Variants in RIF1 observed in about 807,000 individuals in gnomAD.
The protein encoded by RIF1 is replication timing regulatory factor 1, also known as telomere-associated protein RIF1.
Under a neutral mutation model 247.1 loss-of-function variants are expected in RIF1, and 45 were observed. The ratio of observed to expected loss-of-function variants is 0.18; its 90% CI spans 0.14 to 0.23. RIF1 has a LOEUF of 0.23. Among genes scored for constraint, RIF1 ranks in the 10% least tolerant of loss-of-function variants. The pLI is 1.00. For missense variants in RIF1, 2,967 were observed against 2,862.5 expected (o/e 1.04, Z -0.83); for synonymous variants, 1,087 against 978.8 (o/e 1.11, Z -2.06).
chr2:151,530,766 T>A, the RIF1 span: 4 of 394,884 alleles, frequency 1.0e-5, no homozygotes, highest in Non-Finnish European at 1.8e-5. Context: ...CACCTGGATG[T>A]CCTGGCTTGA....
At chr2:151,425,736 G>A (rs1437860388) in intron 8 of RIF1, among the ~76,000 whole-genome samples, 5 of 128,020 alleles carry the variant, frequency 3.9e-5, no homozygotes, top group Admixed American at 2.0e-4. Flanking sequence ...GCATGATCTC[G>A]GCTCACTGCA....
chr2:151,497,224 C>T, intron 10 of RIF1: 1 of 787,746 alleles, frequency 1.3e-6, no homozygotes, highest in Non-Finnish European at 1.5e-6. Context: ...AATCTGCACC[C>T]TCTAGAGAAG....
intron 9 of RIF1, chr2:151,492,005 CT>C: frequency 1.5e-6 from 2 of 1,338,812 alleles, no homozygotes; most frequent in South Asian, 2.7e-5. Context: ...GATTGAAGTC[CT>C]TTATGTTTTG....
intron 2 of RIF1, 119 bp downstream of exon 2, chr2:151,410,646 C>G: frequency 1.2e-6 from 1 of 813,246 alleles, no homozygotes; most frequent in East Asian, 2.7e-5. Flanking sequence ...AATGTGAGGA[C>G]GCCCGAGTCG....
chr2:151,464,271 A>G lies in RIF1; in HGVS notation c.4751A>G (p.Asp1584Gly). 6.2e-6 allele frequency: 10 copies of G among 1,613,974 alleles called. No individual in the cohort carries two copies. The South Asian group carries it at 9.9e-5, about 16-fold the overall frequency. Residue 1584 changes from aspartate to glycine, a missense_variant, in exon 30 of 36, where the codon GAT becomes GGT. By Grantham distance (94) the Asp-to-Gly change is moderately conservative. Around this residue, in one of 7 missense-constraint regions of RIF1, gnomAD observed 2,028 missense variants for 1,825.6 expected, o/e 1.11. Coordinates refer to ENST00000444746, the MANE Select transcript of RIF1 (RefSeq NM_018151.5). ...AGCAATGAAAGTGTTGACATTCAAG[A>G]TCAAGAAGAGAAAGTGGTGAAACAG... ...NKSNESVDIQ[D>G]QEEKVVKQEC... is the part of the protein sequence containing the mutation.
chr2:151,484,171 G>A (rs11680579), downstream of RIF1, among the ~76,000 whole-genome samples: 4,604 of 152,286 alleles, frequency 0.03, 123 homozygotes, highest in East Asian at 0.14. Context: ...ATCTTGGAAA[G>A]CCAGCTGCAT....
chr2:151,409,958 C>G lies in RIF1; in HGVS notation c.-86C>G, dbSNP rs1295435896. 2.8e-6 allele frequency: 2 copies of G among 701,770 alleles called. No homozygotes were observed. 43.5% of individuals were successfully genotyped at this position (701,770 alleles called of 1,614,324 possible). On this transcript the variant is annotated 5_prime_UTR_variant, in exon 1 of 36. Transcript: ENST00000444746. The stretch of plus-strand genomic sequence containing the variant: ...CGCACGCGTGAGTAAACAGCCGGAG[C>G]TGGGAAAGTCGAGCTCTGGCAGCGT...
intron 16 of RIF1, among the ~76,000 whole-genome samples, chr2:151,442,457 A>G (rs1412807377): frequency 6.6e-6 from 1 of 151,512 alleles, no homozygotes; most frequent in Non-Finnish European, 1.5e-5. Flanking sequence ...AAGTATATTG[A>G]CCAAATTAAA....
At chr2:151,442,708 C>T (rs566505321) in intron 16 of RIF1, among the ~76,000 whole-genome samples, 4 of 148,586 alleles carry the variant, frequency 2.7e-5, no homozygotes, top group African/African-American at 9.8e-5. Context: ...TCTGGAATCT[C>T]ATAATTCCTT....
chr2:151,413,142 T>G (rs776569383), intron 3 of RIF1, among the ~76,000 whole-genome samples: 5 of 151,938 alleles, frequency 3.3e-5, no homozygotes, highest in Admixed American at 6.6e-5. Flanking sequence ...TTCTCCTGCC[T>G]CAGCCTCTCA....
At chr2:151,490,965 A>G (rs1457958314) in intron 9 of RIF1, among the ~76,000 whole-genome samples, 1 of 152,154 alleles carries the variant, frequency 6.6e-6, no homozygotes, top group Non-Finnish European at 1.5e-5. Context: ...GAATGCAACC[A>G]TGGATTTACT....
rs3040729 is a variant in RIF1, at chr2:151,415,563, C to CAAAAAAAA, written c.280+659_280+666dup. On this transcript the variant is annotated intron_variant, in intron 4 of 35. Coordinates refer to ENST00000444746, the MANE Select transcript of RIF1 (RefSeq NM_018151.5). ...TGCACTCCAGACTGGGACTCTGTCT[C>CAAAAAAAA]AAAAAAAAAAAAAAAAAAAAAAGGA... Among the ~76,000 whole-genome samples, 113 of 44,838 alleles carry CAAAAAAAA rather than the reference C, an allele frequency of 2.5e-3. 7 individuals are homozygous for CAAAAAAAA. Among genetic ancestry groups the CAAAAAAAA allele is most frequent in the African/African-American group, 7.7e-3 (77 of 9,984 alleles). The allele number at this position is 44,838 out of a possible 152,430, so 29.4% of individuals were successfully genotyped here.
Position 151,463,876 on chromosome 2 carries a change from G to C in RIF1, c.4356G>C (p.Gln1452His). ...GTAAGGAAGAAGAAAAACCTCTTCA[G>C]AAGAGTCCATTGCATATAAAAGATG... ...ERRKEEEKPL[Q>H]KSPLHIKDDV... The change falls in exon 30 of 36, where the codon CAG becomes CAC. Residue 1452 changes from glutamine to histidine, a missense_variant. Physicochemically the swap from Gln to His is conservative, Grantham distance 24. Transcript: ENST00000444746. 6.2e-7 allele frequency: 1 copy of C among 1,613,444 alleles called. No homozygotes were observed. Among genetic ancestry groups the C allele is most frequent in the Non-Finnish European group, 8.5e-7 (1 of 1,179,888 alleles).
Position 151,419,036 on chromosome 2 carries a change from G to A in RIF1, c.504-1154G>A, listed in dbSNP as rs140444134. 2.7e-3 allele frequency among the ~76,000 whole-genome samples: 396 copies of A among 144,132 alleles called. 4 individuals are homozygous for A. The highest frequency in any genetic ancestry group is 3.8e-3 in the Non-Finnish European group (252 of 66,786). The allele number at this position is 144,132 out of a possible 152,430, so 94.6% of individuals were successfully genotyped here. A position where few individuals can be genotyped will look rare whatever the true frequency, so the allele number is the denominator to read the frequency against. On this transcript the variant is annotated intron_variant, in intron 6 of 35. Transcript: ENST00000444746. ...TTAGCAACATAACACATCAGCCTAG[G>A]GCCTCTGCAGGGTCAGGATCATTCT...
downstream of RIF1, among the ~76,000 whole-genome samples, chr2:151,484,060 CAAG>C (rs1204017261): frequency 1.3e-5 from 2 of 152,156 alleles, no homozygotes; most frequent in Non-Finnish European, 1.5e-5. Flanking sequence ...GGACTAATCA[CAAG>C]AAGAAAGTCT....
chr2:151,503,700 A>T (rs1234453263), intron 12 of RIF1, among the ~76,000 whole-genome samples: 1 of 152,222 alleles, frequency 6.6e-6, no homozygotes, highest in Non-Finnish European at 1.5e-5. Flanking sequence ...ATGCATTAAT[A>T]AATAAATTTA....
At chr2:151,460,664 T>A (rs1455928713) in intron 26 of RIF1, among the ~76,000 whole-genome samples, 4 of 152,208 alleles carry the variant, frequency 2.6e-5, no homozygotes, top group African/African-American at 9.7e-5. Flanking sequence ...TGTTATTTTT[T>A]AAGAATACCT....
chr2:151,419,549 C>G (rs1266405368), intron 6 of RIF1, among the ~76,000 whole-genome samples: 1 of 152,260 alleles, frequency 6.6e-6, no homozygotes, highest in East Asian at 1.9e-4. Context: ...TGGTCTCGAT[C>G]TCCTGACCTC....
At chr2:151,458,965 G>A (rs1695681223) in intron 25 of RIF1, 55 bp downstream of exon 25, 2 of 1,079,766 alleles carry the variant, frequency 1.9e-6, no homozygotes, top group Non-Finnish European at 2.7e-6. Flanking sequence ...GTTATTTGTT[G>A]AAAGTTATAA....
Sources: gnomAD v4.1 joint callset for allele counts (sites outside exome capture counted in the v4.1 genomes callset) on GRCh38, gnomAD v4.1.1 for gene constraint, gnomAD v4.1.1 regional missense constraint, MANE v1.5 for transcripts, NCBI Gene and HGNC (gene_info 2026-07-23, HGNC 2026-07-21) for gene names.